GRIK4: variants seen among roughly 807,000 people sequenced by gnomAD.
GRIK4 encodes glutamate ionotropic receptor kainate type subunit 4.
A neutral mutation model predicts 104.9 loss-of-function variants in GRIK4; 40 were observed. That is an observed-to-expected ratio of 0.38 (90% CI 0.30 to 0.50). GRIK4 has a LOEUF of 0.50. GRIK4 is among the 20% of genes least tolerant of loss of function. GRIK4 has a pLI of 0.93. For missense variants in GRIK4, 1,047 were observed against 1,308.1 expected, an observed-to-expected ratio of 0.80 and a Z score of 3.08; for synonymous variants, 485 against 524.9, an observed-to-expected ratio of 0.92 and a Z score of 1.04.
intron 1 of GRIK4, among the ~76,000 whole-genome samples, chr11:120,613,022 G>A (rs1949057230): frequency 6.6e-6 from 1 of 152,204 alleles, no homozygotes; most frequent in Admixed American, 6.5e-5. Context: ...TGTGTGAGTG[G>A]TGGGGTTGCT....
At chr11:120,979,761 A>G (rs1378311450) in intron 19 of GRIK4, among the ~76,000 whole-genome samples, 1 of 152,174 alleles carries the variant, frequency 6.6e-6, no homozygotes, top group Non-Finnish European at 1.5e-5. Context: ...GAAGACCTAA[A>G]GGGGAAAGAA....
chr11:120,570,048 G>T (rs985702800), intron 1 of GRIK4, among the ~76,000 whole-genome samples: 7 of 152,220 alleles, frequency 4.6e-5, no homozygotes, highest in African/African-American at 1.7e-4. Context: ...CATGAAAATG[G>T]TGTTGGCTGC....
intron 16 of GRIK4, among the ~76,000 whole-genome samples, chr11:120,959,530 G>T (rs1386749064): frequency 1.3e-5 from 2 of 152,230 alleles, no homozygotes; most frequent in African/African-American, 4.8e-5. Flanking sequence ...TTCAGAATTT[G>T]TGATTCTCCA....
intron 3 of GRIK4, among the ~76,000 whole-genome samples, chr11:120,710,076 G>A (rs1288712672): frequency 2.0e-5 from 3 of 152,184 alleles, no homozygotes; most frequent in Admixed American, 6.5e-5. Flanking sequence ...CAGTTGAACA[G>A]TAGTCAGCGC....
At chr11:120,667,594 G>A (rs976687832) in intron 3 of GRIK4, among the ~76,000 whole-genome samples, 8 of 152,250 alleles carry the variant, frequency 5.3e-5, no homozygotes, top group Non-Finnish European at 8.8e-5. Flanking sequence ...CTTTACGGGG[G>A]CTGGGGCTCG....
In GRIK4 at chr11:120,559,145, G is replaced by C. The variant is rs1455140846; in HGVS notation, c.-159+47258G>C. 2.6e-5 allele frequency among the ~76,000 whole-genome samples: 4 copies of C among 152,294 alleles called. No individual in the cohort carries two copies. In the East Asian group the frequency reaches 7.7e-4, roughly 29 times the overall value. On this transcript the variant is annotated intron_variant, in intron 1 of 20. Coordinates refer to ENST00000527524, the MANE Select transcript of GRIK4 (RefSeq NM_014619.5). ...AAGCCCAGGAGTGGTGACCTTCGTGGCATAGCAAAGGCCTGCTGAGGCTAC... is the reference window on the plus strand; with the variant it reads ...AAGCCCAGGAGTGGTGACCTTCGTGCCATAGCAAAGGCCTGCTGAGGCTAC...
At chr11:120,888,002 G>A (rs1009104653) in intron 11 of GRIK4, among the ~76,000 whole-genome samples, 2 of 152,036 alleles carry the variant, frequency 1.3e-5, no homozygotes, top group South Asian at 2.1e-4. Flanking sequence ...AGAGCTGGTT[G>A]GGAAGCCAGA....
Position 120,956,959 on chromosome 11 carries a change from GC to G in GRIK4, c.1874+10del. The G allele has an allele frequency of 6.3e-7, 1 of 1,588,286 alleles. No individual in the cohort carries two copies. Among genetic ancestry groups the G allele is most frequent in the Admixed American group, 1.7e-5 (1 of 58,600 alleles). ...CGCTGTGTCAGTGGCGTCTGGTAAG[GC>G]CCCAGGCAGAGGTGAACCAGGCCAG... On this transcript the variant is annotated splice_region_variant and intron_variant, in intron 16 of 20. Coordinates refer to ENST00000527524, the MANE Select transcript of GRIK4 (RefSeq NM_014619.5). The surrounding 1 kb of genome is among the most constrained non-coding windows in gnomAD (Gnocchi z 4.6).
intron 3 of GRIK4, among the ~76,000 whole-genome samples, chr11:120,754,317 A>G (rs935685945): frequency 6.6e-6 from 1 of 152,156 alleles, no homozygotes. Flanking sequence ...TGGCCCTTGG[A>G]CATTTCATTT....
chr11:120,655,503 TC>T (rs1358616287), intron 2 of GRIK4, among the ~76,000 whole-genome samples: 5 of 152,204 alleles, frequency 3.3e-5, no homozygotes, highest in Admixed American at 2.6e-4. Context: ...CCCTAAGACT[TC>T]AGGGCAGGAG....
chr11:120,924,526 T>C (rs1365738769), intron 13 of GRIK4, among the ~76,000 whole-genome samples: 1 of 152,060 alleles, frequency 6.6e-6, no homozygotes, highest in Non-Finnish European at 1.5e-5. Flanking sequence ...TCAATCACTG[T>C]CCGGATCAAG....
chr11:120,800,482 T>A (rs929574840), intron 3 of GRIK4, among the ~76,000 whole-genome samples: 8 of 152,148 alleles, frequency 5.3e-5, no homozygotes, highest in Non-Finnish European at 1.0e-4. Context: ...TGGGGGTGAT[T>A]GAAATGTTCC....
chr11:120,650,875 T>C (rs1054867944), intron 1 of GRIK4, among the ~76,000 whole-genome samples: 1 of 152,208 alleles, frequency 6.6e-6, no homozygotes, highest in Non-Finnish European at 1.5e-5. Flanking sequence ...ACTTCCATGA[T>C]CTCATTGAAT....
At chr11:120,723,966 C>A (rs765215550) in intron 3 of GRIK4, among the ~76,000 whole-genome samples, 1 of 152,156 alleles carries the variant, frequency 6.6e-6, no homozygotes, top group Non-Finnish European at 1.5e-5. Context: ...TCAGCCCCCT[C>A]TCCCTACCCC....
At chr11:120,985,251 A>G (rs993280895) in intron 20 of GRIK4, among the ~76,000 whole-genome samples, 1 of 152,138 alleles carries the variant, frequency 6.6e-6, no homozygotes, top group African/African-American at 2.4e-5. Flanking sequence ...TGTGGCCTTT[A>G]TCTCACACGG....
At chr11:120,937,858 A>G (rs1352151118) in intron 13 of GRIK4, among the ~76,000 whole-genome samples, 5 of 152,202 alleles carry the variant, frequency 3.3e-5, no homozygotes, top group Non-Finnish European at 5.9e-5. Context: ...ATCGACTTGT[A>G]AAATGATTTC....
intron 12 of GRIK4, among the ~76,000 whole-genome samples, chr11:120,901,846 T>C (rs1942745759): frequency 6.6e-6 from 1 of 152,198 alleles, no homozygotes; most frequent in Non-Finnish European, 1.5e-5. Flanking sequence ...TGTGCATGTG[T>C]GCACGTGTGC....
At chr11:120,691,780 A>G (rs11217974) in intron 3 of GRIK4, among the ~76,000 whole-genome samples, 54,485 of 151,944 alleles carry the variant, frequency 0.36, 10,037 homozygotes, top group African/African-American at 0.41. Flanking sequence ...AACTTTGCTT[A>G]TTTCCTGCCT....
intron 4 of GRIK4, among the ~76,000 whole-genome samples, chr11:120,812,365 A>C (rs1952846453): frequency 6.6e-6 from 1 of 152,226 alleles, no homozygotes; most frequent in Non-Finnish European, 1.5e-5. Flanking sequence ...GTGTGATCTT[A>C]AACAAGTTAC....
Sources: allele counts gnomAD v4.1 joint callset (sites outside exome capture counted in the v4.1 genomes callset), GRCh38; gene constraint gnomAD v4.1.1; non-coding constraint Gnocchi (gnomAD v3.1); transcripts MANE v1.5; gene names NCBI Gene and HGNC (gene_info 2026-07-23, HGNC 2026-07-21).